LUZP2: variants seen among roughly 807,000 people sequenced by gnomAD.
LUZP2 encodes the protein leucine zipper protein 2.
In LUZP2, 52 loss-of-function variants were observed where a neutral mutation model predicts 51.6. The ratio of observed to expected loss-of-function variants is 1.01; its 90% CI spans 0.81 to 1.27. The LOEUF (loss-of-function observed/expected upper bound fraction) is 1.27, where lower values mean the gene tolerates loss of function less well. Ranked by LOEUF, LUZP2 falls within the 50% of genes most tolerant of loss-of-function variation. The pLI is 0.00. For synonymous variants in LUZP2, 154 were observed against 137.3 expected (o/e 1.12, Z -0.85); for missense variants, 436 against 395.4 (o/e 1.10, Z -0.87).
intron 4 of LUZP2, chr11:24,762,939 A>G (rs1860034534): frequency 2.1e-6 from 2 of 947,338 alleles, no homozygotes; most frequent in Non-Finnish European, 2.5e-6. Flanking sequence ...TTTTTAAAGA[A>G]CCACATTTTT....
intron 5 of LUZP2, among the ~76,000 whole-genome samples, chr11:24,885,185 A>T (rs979885722): frequency 1.3e-5 from 2 of 152,088 alleles, no homozygotes; most frequent in Non-Finnish European, 2.9e-5. Flanking sequence ...CTAAAATAAT[A>T]ATGCCTTATA....
chr11:24,816,261 G>T (rs769030675), intron 5 of LUZP2, among the ~76,000 whole-genome samples: 2 of 151,804 alleles, frequency 1.3e-5, no homozygotes, highest in Non-Finnish European at 2.9e-5. Context: ...ATGGCGACTG[G>T]ATCATCTTAT....
chr11:25,061,670 T>C (rs2134040437), intron 10 of LUZP2, among the ~76,000 whole-genome samples: 1 of 152,332 alleles, frequency 6.6e-6, no homozygotes, highest in African/African-American at 2.4e-5. Flanking sequence ...CTTGTACTAC[T>C]CTTTGTATTG....
intron 5 of LUZP2, among the ~76,000 whole-genome samples, chr11:24,848,875 G>A (rs1016572858): frequency 3.9e-5 from 6 of 152,058 alleles, no homozygotes; most frequent in African/African-American, 1.4e-4. Context: ...TGCAGAAAAA[G>A]CATTTAATAT....
intron 1 of LUZP2, among the ~76,000 whole-genome samples, chr11:24,562,720 G>T (rs1328586634): frequency 6.7e-6 from 1 of 148,428 alleles, no homozygotes; most frequent in Non-Finnish European, 1.5e-5. Flanking sequence ...AAATTACCTG[G>T]GCGTGGTGGT....
intron 5 of LUZP2, among the ~76,000 whole-genome samples, chr11:24,785,200 C>A (rs1265875494): frequency 6.6e-6 from 1 of 152,052 alleles, no homozygotes; most frequent in East Asian, 1.9e-4. Context: ...GTACACATAT[C>A]TATATTGTGG....
intron 4 of LUZP2, among the ~76,000 whole-genome samples, chr11:24,744,401 T>G (rs1859298544): frequency 6.6e-6 from 1 of 152,284 alleles, no homozygotes; most frequent in East Asian, 1.9e-4. Context: ...GTTATTGGTC[T>G]GTTTGTGGTT....
chr11:24,663,585 A>G (rs775835398), intron 1 of LUZP2, among the ~76,000 whole-genome samples: 6 of 152,138 alleles, frequency 3.9e-5, no homozygotes, highest in Non-Finnish European at 7.3e-5. Flanking sequence ...ATTTTTAAAA[A>G]TCTTTTATCT....
intron 5 of LUZP2, among the ~76,000 whole-genome samples, chr11:24,790,002 C>T (rs1849364650): frequency 6.6e-6 from 1 of 152,188 alleles, no homozygotes; most frequent in Non-Finnish European, 1.5e-5. Flanking sequence ...GTTATCCATG[C>T]TCTTATCTCA....
chr11:24,768,427 G>A (rs376340645), intron 5 of LUZP2, among the ~76,000 whole-genome samples: 1 of 152,118 alleles, frequency 6.6e-6, no homozygotes. Flanking sequence ...TTAAATAAAG[G>A]TGTTAGTTGG....
At chr11:24,891,938 G>T in intron 5 of LUZP2, 5 of 985,536 alleles carry the variant, frequency 5.1e-6, no homozygotes, top group Non-Finnish European at 6.0e-6. Flanking sequence ...GGTGAAAAAT[G>T]GCTTATTTGC....
chr11:24,785,474 A>C (rs984815670), intron 5 of LUZP2, among the ~76,000 whole-genome samples: 1 of 152,018 alleles, frequency 6.6e-6, no homozygotes, highest in African/African-American at 2.4e-5. Flanking sequence ...TGAGTCATTT[A>C]AATAGCCTGT....
rs749672583 is a variant in LUZP2 at position 24,922,837 on chromosome 11, CTTTTTTTTTTTT to C, written c.522+8318_522+8329del. On this transcript the variant is annotated intron_variant, in intron 7 of 11. Coordinates refer to ENST00000336930, the MANE Select transcript of LUZP2 (RefSeq NM_001009909.4). ...GGCACAGTTATATCTTTTTTTTTTT[CTTTTTTTTTTTT>C]TTTTTTTTTTTTTTTTTTAGAGGGA... Among the ~76,000 whole-genome samples, 131 of 47,374 alleles carry C rather than the reference CTTTTTTTTTTTT, an allele frequency of 2.8e-3. 1 individual carries two copies. The highest frequency in any genetic ancestry group is 5.8e-3 in the Admixed American group (24 of 4,134). 31.1% of individuals were successfully genotyped at this position (47,374 alleles called of 152,430 possible).
intron 5 of LUZP2, among the ~76,000 whole-genome samples, chr11:24,772,743 T>C (rs1000003041): frequency 4.6e-5 from 7 of 152,310 alleles, no homozygotes; most frequent in African/African-American, 1.7e-4. Flanking sequence ...ACAGGGCCTC[T>C]TCCTGGCTTC....
chr11:24,749,936 A>C (rs1281687798), intron 4 of LUZP2, among the ~76,000 whole-genome samples: 1 of 152,064 alleles, frequency 6.6e-6, no homozygotes, highest in Non-Finnish European at 1.5e-5. Context: ...CTATCATGGG[A>C]CTTCGCCTTG....
chr11:24,562,187 A>G (rs1509615), intron 1 of LUZP2, among the ~76,000 whole-genome samples: 63,388 of 151,828 alleles, frequency 0.42, 13,753 homozygotes, highest in African/African-American at 0.51. Flanking sequence ...TAAAAATATA[A>G]AAAATAAATA....
At chr11:24,943,165 G>A (rs971882194) in intron 7 of LUZP2, among the ~76,000 whole-genome samples, 1 of 152,118 alleles carries the variant, frequency 6.6e-6, no homozygotes, top group Non-Finnish European at 1.5e-5. Flanking sequence ...AATATGACAT[G>A]TAAAAAAATC....
chr11:25,007,642 A>G (rs538213544), intron 9 of LUZP2, among the ~76,000 whole-genome samples: 1 of 152,178 alleles, frequency 6.6e-6, no homozygotes, highest in African/African-American at 2.4e-5. Flanking sequence ...AAACAACACT[A>G]TTAAATGGTG....
chr11:24,785,717 A>G (rs11603460), intron 5 of LUZP2: 34 of 240,312 alleles, frequency 1.4e-4, no homozygotes, highest in Non-Finnish European at 1.8e-4. Flanking sequence ...ATCAAACAAT[A>G]CAATTATGGC....
Sources: allele counts gnomAD v4.1 joint callset (sites outside exome capture counted in the v4.1 genomes callset), GRCh38; gene constraint gnomAD v4.1.1; transcripts MANE v1.5; gene names NCBI Gene and HGNC (gene_info 2026-07-23, HGNC 2026-07-21).